Variants in SFI1 observed in about 807,000 individuals in gnomAD.
SFI1 encodes the protein SFI1 centrin binding protein, also known as protein SFI1 homolog.
Under a neutral mutation model 207.5 loss-of-function variants are expected in SFI1, and 195 were observed. The ratio of observed to expected loss-of-function variants is 0.94; its 90% CI spans 0.84 to 1.06. The LOEUF (loss-of-function observed/expected upper bound fraction) is 1.06, where lower values mean the gene tolerates loss of function less well. Ranked by LOEUF, SFI1 falls within the 50% of genes least tolerant of loss-of-function variation. The pLI, the probability that SFI1 is intolerant of heterozygous loss-of-function variation, is 0.00. For synonymous variants in SFI1, 630 were observed against 598.9 expected (o/e 1.05, Z -0.76); for missense variants, 1,634 against 1,588.0 (o/e 1.03, Z -0.49).
At chr22:31,500,772 TTG>T (rs1011284707) in intron 1 of SFI1, among the ~76,000 whole-genome samples, 2 of 150,390 alleles carry the variant, frequency 1.3e-5, no homozygotes, top group Admixed American at 6.7e-5. Flanking sequence ...AGTGGTGTTT[TTG>T]TGTGTGTGTG....
chr22:31,508,166 G>C, intron 1 of SFI1, 89 bp from the exon 2 acceptor site: 1 of 726,784 alleles, frequency 1.4e-6, no homozygotes, highest in South Asian at 1.5e-5. Context: ...AGGAGAGCAG[G>C]AGACTAGGAG....
intron 21 of SFI1, 63 bp downstream of exon 21, chr22:31,606,493 T>A: frequency 7.2e-7 from 1 of 1,387,254 alleles, no homozygotes; most frequent in Non-Finnish European, 1.0e-6. Flanking sequence ...GGTGAGGGCG[T>A]GGGATGTAGG....
rs778824854 is a variant in SFI1, at chr22:31,616,951, G to A, written c.3434-49G>A. The stretch of plus-strand genomic sequence containing the variant: ...GACCTGGGACTTGCTATTTACCCTG[G>A]TCCCCGAGGGGAAAATAGTCTGAAA... On this transcript the variant is annotated intron_variant, in intron 30 of 32. Transcript: ENST00000400288. 9 of 1,613,418 alleles carry A rather than the reference G, an allele frequency of 5.6e-6. No homozygotes were observed. The South Asian group carries it at 9.9e-5, about 18-fold the overall frequency.
In SFI1 at chr22:31,536,703, ATGCCCGGCCCT is replaced by A. The variant is rs1403205058; in HGVS notation, c.338+5575_338+5585del. Among the ~76,000 whole-genome samples the A allele has an allele frequency of 4.6e-5, 7 of 152,120 alleles. No homozygotes were observed. In the East Asian group the frequency reaches 1.2e-3, roughly 25 times the overall value. Reference sequence around the variant, plus strand: ...GCTGGGATTACAGGCATATGCCACCATGCCCGGCCCTAAAATCTATTTTTTACTCAATTTTA... The same window carrying A: ...GCTGGGATTACAGGCATATGCCACCAAAAATCTATTTTTTACTCAATTTTA... On this transcript the variant is annotated intron_variant, in intron 4 of 32. Coordinates refer to ENST00000400288, the MANE Select transcript of SFI1 (RefSeq NM_001007467.3).
Position 31,604,982 on chromosome 22 carries a change from G to A in SFI1, c.2054+37G>A, listed in dbSNP as rs1205603340. 2.6e-6 allele frequency: 4 copies of A among 1,549,674 alleles called. 1 individual carries two copies. In the South Asian group the frequency reaches 3.6e-5, roughly 14 times the overall value. On this transcript the variant is annotated intron_variant, in intron 20 of 32. Coordinates refer to ENST00000400288, the MANE Select transcript of SFI1 (RefSeq NM_001007467.3). Reference sequence around the variant, plus strand: ...GGGCGCCTCCCAAGCTCCAGCTGGGGAACAAGGAATGCACTCCAAACCCCA... The same window carrying A: ...GGGCGCCTCCCAAGCTCCAGCTGGGAAACAAGGAATGCACTCCAAACCCCA...
At chr22:31,575,111 T>TA (rs2063345067) in intron 9 of SFI1, 120 bp from the exon 10 acceptor site, 3 of 551,392 alleles carry the variant, frequency 5.4e-6, no homozygotes, top group Non-Finnish European at 8.9e-6. Context: ...TGTGTGTGTG[T>TA]GTGTGTGTGT....
intron 2 of SFI1, among the ~76,000 whole-genome samples, chr22:31,519,593 C>T (rs2056965423): frequency 2.0e-5 from 3 of 152,098 alleles, no homozygotes; most frequent in South Asian, 4.1e-4. Flanking sequence ...TGTGCCACCA[C>T]GCCCAGCTAA....
chr22:31,508,307 A>AG lies in SFI1; in HGVS notation c.24dup (p.Cys9ValfsTer13), dbSNP rs1317688015. On this transcript the variant is annotated frameshift_variant, in exon 2 of 33. Coordinates refer to ENST00000400288, the MANE Select transcript of SFI1 (RefSeq NM_001007467.3). LOFTEE classifies it high-confidence loss of function. Reference sequence around the variant, plus strand: ...TTCATGAAGAATCTGCTCACTGAGAAGTGTATATCAAGCCACAATTTCCAT... The same window carrying AG: ...TTCATGAAGAATCTGCTCACTGAGAAGGTGTATATCAAGCCACAATTTCCAT... The AG allele has an allele frequency of 6.2e-7, 1 of 1,612,842 alleles. No homozygotes were observed. Among genetic ancestry groups the AG allele is most frequent in the Non-Finnish European group, 8.5e-7 (1 of 1,179,074 alleles).
chr22:31,606,306 C>G, intron 20 of SFI1, 22 bp from the exon 21 acceptor site: 2 of 1,608,776 alleles, frequency 1.2e-6, no homozygotes, highest in Non-Finnish European at 1.7e-6. Context: ...CATCTGCCTT[C>G]CTCGCACCCA....
At chr22:31,595,795 T>G (rs1355524865) in intron 15 of SFI1, among the ~76,000 whole-genome samples, 2 of 152,270 alleles carry the variant, frequency 1.3e-5, no homozygotes, top group East Asian at 1.9e-4. Flanking sequence ...CTGAAGAGAT[T>G]GGGCTGACCC....
At chr22:31,574,136 C>T (rs551561808) in intron 9 of SFI1, among the ~76,000 whole-genome samples, 1 of 152,188 alleles carries the variant, frequency 6.6e-6, no homozygotes, top group East Asian at 1.9e-4. Flanking sequence ...TGAGTTTATA[C>T]CAAAGTAAGT....
At chr22:31,610,038 T>A (rs1310843782) in intron 22 of SFI1, among the ~76,000 whole-genome samples, 2 of 152,172 alleles carry the variant, frequency 1.3e-5, no homozygotes, top group African/African-American at 4.8e-5. Flanking sequence ...ACAGATGGTA[T>A]GAGAGGCTTG....
intron 14 of SFI1, among the ~76,000 whole-genome samples, chr22:31,586,623 C>A (rs2065059280): frequency 6.6e-6 from 1 of 152,180 alleles, no homozygotes; most frequent in Admixed American, 6.6e-5. Flanking sequence ...AAAGACATTG[C>A]CACTTGTTAT....
At chr22:31,569,366 C>G (rs2033118983) in intron 8 of SFI1, among the ~76,000 whole-genome samples, 1 of 152,160 alleles carries the variant, frequency 6.6e-6, no homozygotes, top group South Asian at 2.1e-4. Flanking sequence ...CAGCCACATT[C>G]ATGAACTGTT....
chr22:31,547,680 C>A (rs1448548766), intron 5 of SFI1, among the ~76,000 whole-genome samples: 1 of 150,334 alleles, frequency 6.7e-6, no homozygotes, highest in Non-Finnish European at 1.5e-5. Context: ...AGTGCAATGG[C>A]GCCATCTTGA....
At chr22:31,498,737 A>G (rs2146279312) in intron 1 of SFI1, among the ~76,000 whole-genome samples, 1 of 152,228 alleles carries the variant, frequency 6.6e-6, no homozygotes, top group East Asian at 1.9e-4. Flanking sequence ...CGAGTGGAGG[A>G]AGTAACTGCA....
Position 31,615,129 on chromosome 22 carries a change from C to T in SFI1, c.3150C>T (p.Ala1050=). Reference sequence around the variant, plus strand: ...TGACGCGGCCCTTCCTGGCAGAGGCCCCGACAGCACTGGTCCCACACAGCC... The same window carrying T: ...TGACGCGGCCCTTCCTGGCAGAGGCTCCGACAGCACTGGTCCCACACAGCC... ...PSLTRPFLAE[A]PTALVPHSPL... The change falls in exon 29 of 33, where the codon GCC becomes GCT. Residue 1050 remains alanine, a synonymous_variant. Coordinates refer to ENST00000400288, the MANE Select transcript of SFI1 (RefSeq NM_001007467.3). 1 of 1,609,078 alleles carries T rather than the reference C, an allele frequency of 6.2e-7. No homozygotes were observed. Among genetic ancestry groups the T allele is most frequent in the Non-Finnish European group, 8.5e-7 (1 of 1,178,068 alleles).
intron 2 of SFI1, among the ~76,000 whole-genome samples, chr22:31,511,335 A>G (rs567522067): frequency 2.6e-5 from 4 of 152,262 alleles, no homozygotes; most frequent in Admixed American, 6.5e-5. Context: ...AAGCTGAACC[A>G]GCACCCTGAC....
In SFI1 at chr22:31,618,386, C is replaced by T. The variant is rs555410132; in HGVS notation, c.3697C>T (p.Arg1233Cys). The T allele has an allele frequency of 1.3e-5, 21 of 1,601,806 alleles. No homozygotes were observed. The highest frequency in any genetic ancestry group is 1.8e-4 in the Middle Eastern group (1 of 5,442). Residue 1233 changes from arginine (R) to cysteine (C), a missense_variant, in exon 33 of 33, where the codon CGC becomes TGC. By Grantham distance (180) the Arg-to-Cys change is radical. Transcript: ENST00000400288. Reference protein sequence around the residue: ...QRQPIGACVARIQALRQALC With the variant: ...QRQPIGACVACIQALRQALC ...CCAGCCCATTGGCGCCTGCGTTGCCCGCATCCAGGCCCTGCGGCAGGCCCT... is the reference window on the plus strand; with the variant it reads ...CCAGCCCATTGGCGCCTGCGTTGCCTGCATCCAGGCCCTGCGGCAGGCCCT...
Sources: allele counts gnomAD v4.1 joint callset (sites outside exome capture counted in the v4.1 genomes callset), GRCh38; gene constraint gnomAD v4.1.1; transcripts MANE v1.5; gene names NCBI Gene and HGNC (gene_info 2026-07-23, HGNC 2026-07-21).